KDM4C: variants seen among roughly 807,000 people sequenced by gnomAD.
KDM4C encodes the protein lysine-specific demethylase 4C.
A neutral mutation model predicts 129.3 loss-of-function variants in KDM4C; 81 were observed. That is an observed-to-expected ratio of 0.63 (90% CI 0.52 to 0.75). The LOEUF is 0.75. Among genes scored for constraint, KDM4C ranks in the 30% least tolerant of loss-of-function variants. The pLI is 0.00. For missense variants in KDM4C, 1,457 were observed against 1,304.0 expected, an observed-to-expected ratio of 1.12 and a Z score of -1.81; for synonymous variants, 573 against 456.1, an observed-to-expected ratio of 1.26 and a Z score of -3.26.
intron 1 of KDM4C, among the ~76,000 whole-genome samples, chr9:6,749,533 T>C (rs1817999905): frequency 6.6e-6 from 1 of 152,038 alleles, no homozygotes; most frequent in Non-Finnish European, 1.5e-5. Flanking sequence ...CCAGACATGG[T>C]GGTGCATGCC....
At chr9:6,881,690 G>T (rs1303809802) in intron 6 of KDM4C, among the ~76,000 whole-genome samples, 2 of 152,178 alleles carry the variant, frequency 1.3e-5, no homozygotes. Context: ...ATCAGTAAGA[G>T]GTTAATGAAC....
At chr9:7,134,232 G>T (rs1230372979) in intron 19 of KDM4C, among the ~76,000 whole-genome samples, 1 of 152,184 alleles carries the variant, frequency 6.6e-6, no homozygotes, top group African/African-American at 2.4e-5. Context: ...GTGGAGTTGG[G>T]AATCCGTGAG....
intron 19 of KDM4C, among the ~76,000 whole-genome samples, chr9:7,134,063 C>T (rs573029721): frequency 2.6e-5 from 4 of 152,326 alleles, no homozygotes; most frequent in Admixed American, 6.5e-5. Context: ...CCCTTCTCCT[C>T]TTCCCTCTCC....
chr9:6,826,266 A>T (rs1314917248), intron 4 of KDM4C, among the ~76,000 whole-genome samples: 1 of 150,770 alleles, frequency 6.6e-6, no homozygotes. Flanking sequence ...TTGATAATCT[A>T]TAAGTATAAA....
intron 8 of KDM4C, among the ~76,000 whole-genome samples, chr9:6,918,723 T>A (rs1487987002): frequency 6.6e-6 from 1 of 152,204 alleles, no homozygotes; most frequent in East Asian, 1.9e-4. Context: ...TCTGACTGGT[T>A]TGAGATGGTA....
intron 8 of KDM4C, among the ~76,000 whole-genome samples, chr9:6,970,287 G>A (rs7854491): frequency 0.43 from 65,211 of 152,020 alleles, 15,274 homozygotes; most frequent in East Asian, 0.86. Context: ...AACTTAACCA[G>A]TGATGAACAT....
rs1032272563 is a variant in KDM4C, at chr9:7,029,583, A to G, written c.2259+13654A>G. The stretch of plus-strand genomic sequence containing the variant: ...AAAATTCTAAAGAGTAAATATAAAA[A>G]TAAAATTAATATAAGAATAAATTAA... On this transcript the variant is annotated intron_variant, in intron 15 of 21. Coordinates refer to ENST00000381309, the MANE Select transcript of KDM4C (RefSeq NM_015061.6). 2.0e-5 allele frequency among the ~76,000 whole-genome samples: 3 copies of G among 151,950 alleles called. No individual in the cohort carries two copies. In the East Asian group the frequency reaches 5.8e-4, roughly 29 times the overall value.
chr9:6,842,179 A>G (rs1340109917), intron 4 of KDM4C, among the ~76,000 whole-genome samples: 3 of 152,116 alleles, frequency 2.0e-5, no homozygotes, highest in Non-Finnish European at 2.9e-5. Flanking sequence ...CACTAACTTC[A>G]TATTTATAGC....
At chr9:6,935,816 C>T (rs183967526) in intron 8 of KDM4C, among the ~76,000 whole-genome samples, 17 of 152,062 alleles carry the variant, frequency 1.1e-4, no homozygotes, top group Admixed American at 3.9e-4. Flanking sequence ...TAAGTTTTTG[C>T]GGGGAATTTT....
intron 17 of KDM4C, chr9:7,076,799 C>G (rs1833973221): frequency 9.6e-7 from 1 of 1,043,928 alleles, no homozygotes; most frequent in Non-Finnish European, 1.2e-6. Context: ...GTGATTTAGT[C>G]CAACGTGTCC....
intron 8 of KDM4C, among the ~76,000 whole-genome samples, chr9:6,900,898 A>G (rs10975883): frequency 0.37 from 55,396 of 151,626 alleles, 11,349 homozygotes; most frequent in Middle Eastern, 0.55. Context: ...GTTAAGGGCC[A>G]CCTATCTCAA....
At chr9:6,885,399 TAC>T (rs1370806262) in intron 6 of KDM4C, among the ~76,000 whole-genome samples, 1 of 152,236 alleles carries the variant, frequency 6.6e-6, no homozygotes, top group African/African-American at 2.4e-5. Flanking sequence ...TATGAGATCC[TAC>T]ACACTTCTCT....
intron 12 of KDM4C, among the ~76,000 whole-genome samples, chr9:7,003,640 T>C (rs1201480134): frequency 6.6e-6 from 1 of 152,196 alleles, no homozygotes; most frequent in Non-Finnish European, 1.5e-5. Context: ...TTCTCTGCTA[T>C]CCATTATTAC....
intron 17 of KDM4C, among the ~76,000 whole-genome samples, chr9:7,096,998 A>G (rs1246530974): frequency 6.6e-6 from 1 of 152,064 alleles, no homozygotes; most frequent in Admixed American, 6.5e-5. Context: ...CTGTGCTCCT[A>G]CTTCCTGACT....
At chr9:6,882,933 C>G (rs1024962378) in intron 6 of KDM4C, among the ~76,000 whole-genome samples, 1 of 152,008 alleles carries the variant, frequency 6.6e-6, no homozygotes, top group African/African-American at 2.4e-5. Flanking sequence ...AGATAAAGGT[C>G]AATGGGTGGG....
intron 1 of KDM4C, among the ~76,000 whole-genome samples, chr9:6,784,413 G>C (rs1056123365): frequency 6.6e-6 from 1 of 152,106 alleles, no homozygotes; most frequent in African/African-American, 2.4e-5. Context: ...TGTATTATTA[G>C]TAGAGACAGG....
chr9:7,131,806 C>A (rs554497370), intron 19 of KDM4C, among the ~76,000 whole-genome samples: 1 of 152,130 alleles, frequency 6.6e-6, no homozygotes, highest in East Asian at 1.9e-4. Context: ...TCTTGAAGAT[C>A]GTGGCAGAAT....
chr9:6,863,988 C>A (rs1040896159), intron 5 of KDM4C, among the ~76,000 whole-genome samples: 4 of 152,096 alleles, frequency 2.6e-5, no homozygotes, highest in African/African-American at 9.7e-5. Context: ...GATCAGCTTT[C>A]AACGTGAGGT....
At chr9:6,857,946 T>TTTG (rs555121528) in intron 5 of KDM4C, among the ~76,000 whole-genome samples, 2 of 140,172 alleles carry the variant, frequency 1.4e-5, no homozygotes, top group African/African-American at 5.2e-5. Flanking sequence ...TTTTTTTTTT[T>TTTG]AGAGATGGGG....
Sources: gnomAD v4.1 joint callset for allele counts (sites outside exome capture counted in the v4.1 genomes callset) on GRCh38, gnomAD v4.1.1 for gene constraint, MANE v1.5 for transcripts, NCBI Gene and HGNC (gene_info 2026-07-23, HGNC 2026-07-21) for gene names.